ANK1: variants seen among roughly 807,000 people sequenced by gnomAD.
The protein encoded by ANK1 is ankyrin 1, also known as ankyrin-1.
In ANK1, 51 loss-of-function variants were observed where a neutral mutation model predicts 210.4. The observed-to-expected ratio is 0.24, with a 90% CI of 0.19 to 0.31. The LOEUF (loss-of-function observed/expected upper bound fraction) is 0.31. Ranked by LOEUF, ANK1 falls within the 10% of genes least tolerant of loss-of-function variation. The probability of loss-of-function intolerance (pLI) is 1.00; values close to 1 mark genes in which losing one functional copy is unlikely to be tolerated. For missense variants in ANK1, 2,051 were observed against 2,504.4 expected, an observed-to-expected ratio of 0.82 and a Z score of 3.86; for synonymous variants, 967 against 1,025.9, an observed-to-expected ratio of 0.94 and a Z score of 1.10.
At chr8:41,728,240 T>TA (rs1188948280) in intron 3 of ANK1, among the ~76,000 whole-genome samples, 1 of 151,914 alleles carries the variant, frequency 6.6e-6, no homozygotes, top group Non-Finnish European at 1.5e-5. Context: ...GCAAGAGCCA[T>TA]AAAAAAGAAG....
chr8:41,755,294 C>A (rs185351861), intron 2 of ANK1, among the ~76,000 whole-genome samples: 2 of 152,238 alleles, frequency 1.3e-5, no homozygotes, highest in African/African-American at 4.8e-5. Context: ...CAACGGGAGA[C>A]CAATCAGGAC....
At chr8:41,686,048 C>CTGACAG in intron 36 of ANK1, 104 bp downstream of exon 36, 1 of 1,557,594 alleles carries the variant, frequency 6.4e-7, no homozygotes, top group Non-Finnish European at 8.9e-7. Flanking sequence ...GAGACAGAGA[C>CTGACAG]AGACTGACTC....
In ANK1 at chr8:41,655,737, G is replaced by C. The variant is rs980962937; in HGVS notation, c.*53C>G. On this transcript the variant is annotated 3_prime_UTR_variant, in exon 43 of 43. Transcript: ENST00000289734. ...CAGAGTGTGTGGGGTTCAGGGGTTG[G>C]GTGTCGAGGTGTGATCCTGGGAGAC... 2 of 1,614,046 alleles carry C rather than the reference G, an allele frequency of 1.2e-6. No individual in the cohort carries two copies. The highest frequency in any genetic ancestry group is 8.5e-7 in the Non-Finnish European group (1 of 1,179,986).
chr8:41,780,173 A>C (rs140024154), intron 1 of ANK1, among the ~76,000 whole-genome samples: 30 of 152,268 alleles, frequency 2.0e-4, no homozygotes, highest in African/African-American at 5.8e-4. Flanking sequence ...GCAACTGGCC[A>C]ATCAGACCAG....
In ANK1 at chr8:41,759,973, C is replaced by T. The variant is rs577248485; in HGVS notation, c.28-1836G>A. On this transcript the variant is annotated intron_variant, in intron 1 of 42. Coordinates refer to ENST00000289734, the MANE Select transcript of ANK1 (RefSeq NM_000037.4). ...AATTCATGAGCCGAACCTCCCAGCT[C>T]TGCAGCCAGCTCGGTCTCAGCTTTA... 2.6e-5 allele frequency among the ~76,000 whole-genome samples: 4 copies of T among 152,270 alleles called. 1 individual carries two copies. The highest frequency in any genetic ancestry group is 1.3e-4 in the Admixed American group (2 of 15,302).
At chr8:41,729,523 T>C (rs995739894) in intron 3 of ANK1, among the ~76,000 whole-genome samples, 1 of 152,124 alleles carries the variant, frequency 6.6e-6, no homozygotes, top group Non-Finnish European at 1.5e-5. Context: ...CCCAAGTAGG[T>C]GGGGACTAAG....
intron 2 of ANK1, among the ~76,000 whole-genome samples, chr8:41,754,073 A>T (rs1028582490): frequency 2.0e-5 from 3 of 152,256 alleles, no homozygotes; most frequent in Admixed American, 2.0e-4. Flanking sequence ...AGTTTTTGGT[A>T]TGCATATCTG....
In ANK1 at chr8:41,758,041, T is replaced by G; in HGVS notation, c.124A>C (p.Asn42His). 1 of 1,613,834 alleles carries G rather than the reference T, an allele frequency of 6.2e-7. No homozygotes were observed. Residue 42 changes from asparagine to histidine, a missense_variant, in exon 2 of 43, where the codon AAC (asparagine) becomes CAC (histidine). Asn to His is a moderately conservative substitution (Grantham distance 68). This residue lies in a region of ANK1 where 72 missense variants were observed against 133.5 expected (regional missense o/e 0.54). Coordinates refer to ENST00000289734, the MANE Select transcript of ANK1 (RefSeq NM_000037.4). ...LRNGVDINTCNQNGLNGLHLA... is the reference protein window; with the variant it reads ...LRNGVDINTCHQNGLNGLHLA... ...CCTGCCTCCATCCCACTTACCTGGT[T>G]ACAGGTGTTAATATCTACCCCATTC...
rs1324145150 is a variant in ANK1, at chr8:41,694,681, C to T, written c.3238G>A (p.Gly1080Arg). Residue 1080 changes from glycine to arginine, a missense_variant, in exon 28 of 43, where the codon GGG (glycine) becomes AGG (arginine). By Grantham distance (125) the Gly-to-Arg change is moderately radical (BLOSUM62 -2). Transcript: ENST00000289734. This position sits in a 1 kb window ranked among gnomAD's most constrained non-coding sequence, Gnocchi z 5.7. ...ACCAGCTTGCTCTTCAGGGAGCCCCCTTCGGGACCGATGGTGTCGTAGTCC... is the reference window on the plus strand; with the variant it reads ...ACCAGCTTGCTCTTCAGGGAGCCCCTTTCGGGACCGATGGTGTCGTAGTCC... ...CQDYDTIGPE[G>R]GSLKSKLVPL... is the part of the protein sequence containing the mutation. 3 of 1,614,178 alleles carry T rather than the reference C, an allele frequency of 1.9e-6. No individual in the cohort carries two copies. Among genetic ancestry groups the T allele is most frequent in the South Asian group, 1.1e-5 (1 of 91,078 alleles).
chr8:41,771,824 T>C (rs1843021131), intron 1 of ANK1, among the ~76,000 whole-genome samples: 1 of 152,188 alleles, frequency 6.6e-6, no homozygotes, highest in African/African-American at 2.4e-5. Context: ...CGCTCCTGGC[T>C]TGATGCAGTG....
At chr8:41,691,369 AC>A (rs1409547431) in intron 31 of ANK1, among the ~76,000 whole-genome samples, 1 of 152,222 alleles carries the variant, frequency 6.6e-6, no homozygotes, top group African/African-American at 2.4e-5. Flanking sequence ...AACTCATTTG[AC>A]AGTTGAAAAA....
At chr8:41,727,409 G>A (rs1586506034) in intron 4 of ANK1, 61 bp from the exon 5 acceptor site, 2 of 1,198,160 alleles carry the variant, frequency 1.7e-6, no homozygotes, top group East Asian at 2.3e-5. Context: ...GCCTACACCA[G>A]CACAACGTCC....
At chr8:41,693,793 A>G in intron 29 of ANK1, 105 bp downstream of exon 29, 2 of 1,362,448 alleles carry the variant, frequency 1.5e-6, no homozygotes, top group African/African-American at 1.4e-5. Flanking sequence ...GAAGTCAACA[A>G]AAACTAAGGG....
intron 1 of ANK1, among the ~76,000 whole-genome samples, chr8:41,834,979 T>TGGACAGCATCCTGCCCCAGAAC (rs1807364413): frequency 6.6e-6 from 1 of 152,222 alleles, no homozygotes; most frequent in Non-Finnish European, 1.5e-5. Context: ...TGACCCAGAA[T>TGGACAGCATCCTGCCCCAGAAC]GGACATCATC....
At chr8:41,767,304 G>T (rs1042465262) in intron 1 of ANK1, among the ~76,000 whole-genome samples, 16 of 149,684 alleles carry the variant, frequency 1.1e-4, no homozygotes, top group Non-Finnish European at 2.1e-4. Context: ...CCCGCGCCCC[G>T]GCCCCGGCCG....
At chr8:41,877,923 C>G (rs897516317) in intron 1 of ANK1, among the ~76,000 whole-genome samples, 5 of 152,126 alleles carry the variant, frequency 3.3e-5, no homozygotes, top group African/African-American at 1.2e-4. Context: ...AGGGCTGTGG[C>G]CGTGTGAGGG....
chr8:41,693,456 A>G (rs1181427430), intron 29 of ANK1, among the ~76,000 whole-genome samples: 2 of 72,838 alleles, frequency 2.7e-5, no homozygotes, highest in Admixed American at 2.2e-4. Context: ...TTTTTTTTTG[A>G]GATGGCGTTT....
intron 1 of ANK1, among the ~76,000 whole-genome samples, chr8:41,773,058 C>G (rs1203692147): frequency 1.3e-5 from 2 of 152,178 alleles, no homozygotes; most frequent in Non-Finnish European, 2.9e-5. Context: ...CAGCCTGACC[C>G]CCCCTAAACC....
rs148006987 is a variant in ANK1 at position 41,699,467 on chromosome 8, G to A, written c.2543C>T (p.Pro848Leu). ...DEEKELLDFV[P>L]KLDQVVESPA... ...CACTGCTCACACTTGGTCTAGCTTC[G>A]GCACAAAATCCAGCAGCTCCTTCTC... Residue 848 changes from proline (P) to leucine (L), a missense_variant, in exon 23 of 43, where the codon CCG (proline) becomes CTG (leucine). Pro to Leu is a moderately conservative substitution (Grantham distance 98). Coordinates refer to ENST00000289734, the MANE Select transcript of ANK1 (RefSeq NM_000037.4). 1.5e-5 allele frequency: 25 copies of A among 1,614,080 alleles called. No homozygotes were observed. Among genetic ancestry groups the A allele is most frequent in the Admixed American group, 3.3e-5 (2 of 60,030 alleles).
Sources: gnomAD v4.1 joint callset for allele counts (sites outside exome capture counted in the v4.1 genomes callset) on GRCh38, gnomAD v4.1.1 for gene constraint, gnomAD v4.1.1 regional missense constraint, Gnocchi (gnomAD v3.1) non-coding constraint, MANE v1.5 for transcripts, NCBI Gene and HGNC (gene_info 2026-07-23, HGNC 2026-07-21) for gene names.